OR2V2: variants seen among roughly 807,000 people sequenced by gnomAD.
The protein encoded by OR2V2 is olfactory receptor 2V2.
For missense variants in OR2V2, 392 were observed against 392.2 expected (o/e 1.00, Z 0.00); for synonymous variants, 161 against 151.3 (o/e 1.06, Z -0.47).
At chr5:181,148,672 C>A (rs1003421493) in intron 1 of OR2V2, among the ~76,000 whole-genome samples, 1 of 152,116 alleles carries the variant, frequency 6.6e-6, no homozygotes, top group African/African-American at 2.4e-5. Flanking sequence ...GAACATGGGT[C>A]CTAGTTGGGA....
At chr5:181,152,726 G>A (rs1763207664) in intron 1 of OR2V2, among the ~76,000 whole-genome samples, 1 of 152,210 alleles carries the variant, frequency 6.6e-6, no homozygotes. Context: ...TCCTCTCTAG[G>A]GCGATTTCCT....
chr5:181,148,716 A>G (rs1181073657), intron 1 of OR2V2, among the ~76,000 whole-genome samples: 1 of 152,182 alleles, frequency 6.6e-6, no homozygotes, highest in African/African-American at 2.4e-5. Flanking sequence ...GAGAGCATGG[A>G]GCCCGCCTCC....
Position 181,156,719 on chromosome 5 carries a change from A to C in OR2V2, c.*829A>C, listed in dbSNP as rs1286511048. 5 of 152,260 alleles carry C rather than the reference A, an allele frequency of 3.3e-5. No homozygotes were observed. The highest frequency in any genetic ancestry group is 1.3e-4 in the Admixed American group (2 of 15,282). 9.4% of individuals were successfully genotyped at this position (152,260 alleles called of 1,614,324 possible). On this transcript the variant is annotated 3_prime_UTR_variant, in exon 2 of 2. Transcript: ENST00000641492. ...GCATGATGTTTATATGATGTCTCAC[A>C]ACAGTTGTAGCCCAACCCTAGGGTC... is the stretch of plus-strand genomic sequence containing the variant.
intron 1 of OR2V2, among the ~76,000 whole-genome samples, chr5:181,148,451 A>T (rs1265491927): frequency 6.6e-6 from 1 of 152,234 alleles, no homozygotes; most frequent in African/African-American, 2.4e-5. Context: ...TGTGGTTTCT[A>T]GGAAAAAAAG....
At chr5:181,153,183 G>A (rs1476709570) in intron 1 of OR2V2, among the ~76,000 whole-genome samples, 1 of 152,240 alleles carries the variant, frequency 6.6e-6, no homozygotes, top group African/African-American at 2.4e-5. Context: ...AGAGCGTGAC[G>A]CCAGTGATAA....
chr5:181,156,039 G>GTTCTTTCTTTCTTTCTTTGTTTCT lies in OR2V2; in HGVS notation c.*167_*168insGTTTCTTTCTTTCTTTCTTTCTTT. ...GAAGGTCTTTTTAAACACTACATCA[G>GTTCTTTCTTTCTTTCTTTGTTTCT]TTCTTTCTTTCTTTCTTTCTTTCTT... On this transcript the variant is annotated 3_prime_UTR_variant, in exon 2 of 2. Coordinates refer to ENST00000641492, the MANE Select transcript of OR2V2 (RefSeq NM_206880.2). 1 of 493,946 alleles carries GTTCTTTCTTTCTTTCTTTGTTTCT rather than the reference G, an allele frequency of 2.0e-6. No homozygotes were observed. The highest frequency in any genetic ancestry group is 3.4e-6 in the Non-Finnish European group (1 of 291,424). 30.6% of individuals were successfully genotyped at this position (493,946 alleles called of 1,614,324 possible).
In OR2V2 at chr5:181,158,765, C is replaced by T. The variant is rs915150444; in HGVS notation, c.*2875C>T. On this transcript the variant is annotated 3_prime_UTR_variant, in exon 2 of 2. Coordinates refer to ENST00000641492, the MANE Select transcript of OR2V2 (RefSeq NM_206880.2). Reference sequence around the variant, plus strand: ...TTGCTTCACTTTTGTGTATGCCTGACATTTTTTATAATTAACAGTTTAAAA... The same window carrying T: ...TTGCTTCACTTTTGTGTATGCCTGATATTTTTTATAATTAACAGTTTAAAA... The T allele has an allele frequency of 1.3e-5, 2 of 151,820 alleles. No homozygotes were observed. The highest frequency in any genetic ancestry group is 4.8e-5 in the African/African-American group (2 of 41,378). The allele number at this position is 151,820 out of a possible 1,614,324, so 9.4% of individuals were successfully genotyped here. A position where few individuals can be genotyped will look rare whatever the true frequency, so the allele number is the denominator to read the frequency against.
rs113583315 is a variant in OR2V2 at position 181,156,059 on chromosome 5, T to A, written c.*169T>A. On this transcript the variant is annotated 3_prime_UTR_variant, in exon 2 of 2. Coordinates refer to ENST00000641492, the MANE Select transcript of OR2V2 (RefSeq NM_206880.2). ...CATCAGTTCTTTCTTTCTTTCTTTCTTTCTTTCTTTCTTTTGTTCTTTCTT... is the reference window on the plus strand; with the variant it reads ...CATCAGTTCTTTCTTTCTTTCTTTCATTCTTTCTTTCTTTTGTTCTTTCTT... 0.083 allele frequency: 45,970 copies of A among 551,178 alleles called. 3,599 individuals carry two copies. Among genetic ancestry groups the A allele is most frequent in the African/African-American group, 0.29 (15,229 of 52,068 alleles). The allele number at this position is 551,178 out of a possible 1,614,324, so 34.1% of individuals were successfully genotyped here.
intron 1 of OR2V2, among the ~76,000 whole-genome samples, chr5:181,152,549 T>C (rs1763205932): frequency 6.6e-6 from 1 of 152,214 alleles, no homozygotes; most frequent in African/African-American, 2.4e-5. Context: ...TGTGAGTTGG[T>C]TAGTGTAAAC....
chr5:181,154,889 C>A, intron 1 of OR2V2, 30 bp from the exon 2 acceptor site: 2 of 1,209,308 alleles, frequency 1.7e-6, no homozygotes, highest in South Asian at 2.5e-5. Context: ...AGATGTCAGT[C>A]AATGTAACAC....
chr5:181,155,530 T>C lies in OR2V2; in HGVS notation c.588T>C (p.Phe196=). The C allele has an allele frequency of 6.2e-7, 1 of 1,614,102 alleles. No homozygotes were observed. Among genetic ancestry groups the C allele is most frequent in the Non-Finnish European group, 8.5e-7 (1 of 1,179,946 alleles). ...TGGCCTGTGTAGACACATCCCTGTT[T>C]GAGAAGGTGATATTTGCTTGCTGTG... is the stretch of plus-strand genomic sequence containing the variant. ...LKLACVDTSL[F]EKVIFACCVF... is the part of the protein sequence containing the mutation. The change falls in exon 2 of 2, where the codon TTT becomes TTC. Residue 196 remains phenylalanine (F), a synonymous_variant. Coordinates refer to ENST00000641492, the MANE Select transcript of OR2V2 (RefSeq NM_206880.2).
intron 1 of OR2V2, among the ~76,000 whole-genome samples, chr5:181,152,838 A>G (rs1396568796): frequency 6.6e-6 from 1 of 152,264 alleles, no homozygotes. Flanking sequence ...CCAGAGCCTC[A>G]GGAGAGGCCT....
At position 181,155,503 on chromosome 5, in the gene OR2V2, G is replaced by A. The variant is rs1763251593; in HGVS notation, c.561G>A (p.Lys187=). 1 of 1,614,094 alleles carries A rather than the reference G, an allele frequency of 6.2e-7. No homozygotes were observed. The highest frequency in any genetic ancestry group is 1.3e-5 in the African/African-American group (1 of 74,936). Residue 187 remains lysine, a synonymous_variant, in exon 2 of 2, where the codon AAG becomes AAA. Coordinates refer to ENST00000641492, the MANE Select transcript of OR2V2 (RefSeq NM_206880.2). ...TCTGTGAGATGCTATCCTTGTTGAAGCTGGCCTGTGTAGACACATCCCTGT... is the reference window on the plus strand; with the variant it reads ...TCTGTGAGATGCTATCCTTGTTGAAACTGGCCTGTGTAGACACATCCCTGT... ...HFFCEMLSLL[K]LACVDTSLFE...
rs1220847632 is a variant in OR2V2 at position 181,158,065 on chromosome 5, G to C, written c.*2175G>C. On this transcript the variant is annotated 3_prime_UTR_variant, in exon 2 of 2. Coordinates refer to ENST00000641492, the MANE Select transcript of OR2V2 (RefSeq NM_206880.2). ...AATTGCATTTCATTGGCATAGGCTT[G>C]ATGTCCTTAATTCATTTCCCGCACA... is the stretch of plus-strand genomic sequence containing the variant. The C allele has an allele frequency of 6.6e-6, 1 of 152,170 alleles. No individual in the cohort carries two copies. Among genetic ancestry groups the C allele is most frequent in the East Asian group, 1.9e-4 (1 of 5,202 alleles). The allele number at this position is 152,170 out of a possible 1,614,324, so 9.4% of individuals were successfully genotyped here.
At chr5:181,148,908 T>C (rs77976570) in intron 1 of OR2V2, among the ~76,000 whole-genome samples, 5,265 of 152,234 alleles carry the variant, frequency 0.035, 313 homozygotes, top group African/African-American at 0.12. Flanking sequence ...GGCCCTTGGA[T>C]TGGCCTTGGC....
chr5:181,153,400 T>C (rs902247075), intron 1 of OR2V2, among the ~76,000 whole-genome samples: 2 of 152,078 alleles, frequency 1.3e-5, no homozygotes, highest in Non-Finnish European at 2.9e-5. Context: ...TAGGACAAAT[T>C]GTTTGGCAGG....
rs111464940 is a variant in OR2V2 at position 181,151,601 on chromosome 5, G to A, written c.-24-3318G>A. ...GACATCAGCATTAATAAGATGAGAG[G>A]AGGGGACATGACTTTTGTAGGGCGC... On this transcript the variant is annotated intron_variant, in intron 1 of 1. Coordinates refer to ENST00000641492, the MANE Select transcript of OR2V2 (RefSeq NM_206880.2). Among the ~76,000 whole-genome samples the A allele has an allele frequency of 9.8e-5, 15 of 152,290 alleles. 1 individual carries two copies. The highest frequency in any genetic ancestry group is 3.6e-4 in the African/African-American group (15 of 41,560).
chr5:181,155,439 A>C lies in OR2V2; in HGVS notation c.497A>C (p.Asn166Thr). The C allele has an allele frequency of 1.2e-6, 2 of 1,614,078 alleles. No homozygotes were observed. The highest frequency in any genetic ancestry group is 1.7e-6 in the Non-Finnish European group (2 of 1,179,996). ...TTGATCCAGATGGTGGTAGTAATGA[A>C]TTTCCCCTACTGTGGCTTGAGGAAG... ...DGLIQMVVVMNFPYCGLRKVN... is the reference protein window; with the variant it reads ...DGLIQMVVVMTFPYCGLRKVN... The change falls in exon 2 of 2, where the codon AAT becomes ACT. Residue 166 changes from asparagine to threonine, a missense_variant. Physicochemically the swap from Asn to Thr is moderately conservative, Grantham distance 65. Transcript: ENST00000641492.
chr5:181,155,309 C>T lies in OR2V2; in HGVS notation c.367C>T (p.Arg123Cys), dbSNP rs147854327. 1.5e-4 allele frequency: 241 copies of T among 1,614,120 alleles called. 1 individual carries two copies. In the Admixed American group the frequency reaches 1.5e-3, roughly 10 times the overall value. Residue 123 changes from arginine to cysteine, a missense_variant, in exon 2 of 2, where the codon CGC becomes TGC. Coordinates refer to ENST00000641492, the MANE Select transcript of OR2V2 (RefSeq NM_206880.2). Reference sequence around the variant, plus strand: ...CTTGCTGGGACTCATGGCTTATGACCGCTATGTGGCCATTAGCCACCCACT... The same window carrying T: ...CTTGCTGGGACTCATGGCTTATGACTGCTATGTGGCCATTAGCCACCCACT... Reference protein sequence around the residue: ...GLLLGLMAYDRYVAISHPLHY... With the variant: ...GLLLGLMAYDCYVAISHPLHY...
Sources: gnomAD v4.1 joint callset for allele counts (sites outside exome capture counted in the v4.1 genomes callset) on GRCh38, gnomAD v4.1.1 for gene constraint, MANE v1.5 for transcripts, NCBI Gene and HGNC (gene_info 2026-07-23, HGNC 2026-07-21) for gene names.